FBXW2: variants seen among roughly 807,000 people sequenced by gnomAD.
The protein encoded by FBXW2 is F-box and WD repeat domain containing 2.
In FBXW2, 12 loss-of-function variants were observed where a neutral mutation model predicts 46.0. The observed-to-expected ratio is 0.26, with a 90% CI of 0.17 to 0.42. The LOEUF (loss-of-function observed/expected upper bound fraction) is 0.42. Ranked by LOEUF, FBXW2 falls within the 10% of genes least tolerant of loss-of-function variation. The pLI is 1.00. For synonymous variants in FBXW2, 203 were observed against 209.6 expected (o/e 0.97, Z 0.27); for missense variants, 360 against 537.0 (o/e 0.67, Z 3.26).
At chr9:120,783,850 T>C (rs1193022205) in intron 3 of FBXW2, among the ~76,000 whole-genome samples, 1 of 152,242 alleles carries the variant, frequency 6.6e-6, no homozygotes, top group Non-Finnish European at 1.5e-5. Context: ...CTCAATGTCA[T>C]TAGCCATTAA....
chr9:120,787,608 A>AAG (rs1156843048), intron 3 of FBXW2, among the ~76,000 whole-genome samples, 161 bp downstream of exon 3: 1 of 152,164 alleles, frequency 6.6e-6, no homozygotes, highest in African/African-American at 2.4e-5. Flanking sequence ...AGAGAGAAGG[A>AAG]AGAGGATAAG....
At chr9:120,776,282 AAT>A in intron 4 of FBXW2, 56 bp from the exon 5 acceptor site, 1 of 1,559,902 alleles carries the variant, frequency 6.4e-7, no homozygotes, top group South Asian at 1.2e-5. Flanking sequence ...GGTCTTTTAT[AAT>A]AGAGTTCAAT....
chr9:120,778,324 A>C, intron 4 of FBXW2, 27 bp downstream of exon 4: 1 of 1,599,688 alleles, frequency 6.3e-7, no homozygotes, highest in Non-Finnish European at 8.5e-7. Flanking sequence ...GCTAAGTTGT[A>C]AAAACCCTTG....
rs995535893 is a variant in FBXW2, at chr9:120,793,393, G to C, written c.-169C>G. 8.5e-5 allele frequency: 34 copies of C among 400,074 alleles called. No individual in the cohort carries two copies. The highest frequency in any genetic ancestry group is 1.4e-4 in the Non-Finnish European group (32 of 227,172). The allele number at this position is 400,074 out of a possible 1,614,324, so 24.8% of individuals were successfully genotyped here. On this transcript the variant is annotated 5_prime_UTR_variant, in exon 1 of 8. Coordinates refer to ENST00000608872, the MANE Select transcript of FBXW2 (RefSeq NM_012164.4). The stretch of plus-strand genomic sequence containing the variant: ...GCTGCTCCCGGTCCGCAGCCTCACA[G>C]GGGAGCGGCTTCCGGTGCTGCCTGC...
rs118052874 is a variant in FBXW2, at chr9:120,776,024, T to G, written c.819+69A>C. 86 of 1,576,478 alleles carry G rather than the reference T, an allele frequency of 5.5e-5. No homozygotes were observed. The East Asian group carries it at 1.8e-3, about 33-fold the overall frequency. On this transcript the variant is annotated intron_variant, in intron 5 of 7. Coordinates refer to ENST00000608872, the MANE Select transcript of FBXW2 (RefSeq NM_012164.4). ...GACTCACCTAACACTTATAAGGCAG[T>G]GTCTACCATCCTCCACGCCCTCCCT...
chr9:120,765,210 T>C (rs990449761), intron 7 of FBXW2, among the ~76,000 whole-genome samples: 2 of 151,966 alleles, frequency 1.3e-5, no homozygotes, highest in Non-Finnish European at 2.9e-5. Context: ...TTCTCCTGCT[T>C]CAGCCTCACA....
At chr9:120,771,915 C>T (rs1382733513) in intron 6 of FBXW2, among the ~76,000 whole-genome samples, 3 of 151,044 alleles carry the variant, frequency 2.0e-5, no homozygotes, top group East Asian at 3.9e-4. Context: ...AAAAATTAGC[C>T]AGGCGTGATA....
chr9:120,772,448 G>T (rs2044398500), intron 6 of FBXW2, among the ~76,000 whole-genome samples: 1 of 151,748 alleles, frequency 6.6e-6, no homozygotes, highest in African/African-American at 2.4e-5. Flanking sequence ...AGCCAATATT[G>T]TGCCACTGCA....
intron 5 of FBXW2, among the ~76,000 whole-genome samples, chr9:120,775,061 T>C (rs970380003): frequency 6.6e-6 from 1 of 151,954 alleles, no homozygotes; most frequent in Admixed American, 6.6e-5. Flanking sequence ...TACTTTCCTA[T>C]ACTTTTTTTT....
In FBXW2 at chr9:120,764,844, G is replaced by T; in HGVS notation, c.1080C>A (p.Val360=). 1 of 1,575,490 alleles carries T rather than the reference G, an allele frequency of 6.3e-7. No homozygotes were observed. Among genetic ancestry groups the T allele is most frequent in the South Asian group, 1.2e-5 (1 of 84,162 alleles). Residue 360 remains valine (V), a synonymous_variant, in exon 8 of 8, where the codon GTC becomes GTA. Coordinates refer to ENST00000608872, the MANE Select transcript of FBXW2 (RefSeq NM_012164.4). ...WDFASYDILR[V]IKTPEIANLA... ...AGTTTGCTATCTCAGGAGTCTTGATGACCCTACAAGGATGAGAGTTAGGGA... is the reference window on the plus strand; with the variant it reads ...AGTTTGCTATCTCAGGAGTCTTGATTACCCTACAAGGATGAGAGTTAGGGA...
chr9:120,789,310 G>A (rs1051571476), intron 2 of FBXW2, among the ~76,000 whole-genome samples: 4 of 152,164 alleles, frequency 2.6e-5, no homozygotes, highest in African/African-American at 7.2e-5. Flanking sequence ...GTGTCTACCC[G>A]TTAGACCATT....
chr9:120,791,892 C>T (rs1264869743), intron 2 of FBXW2, among the ~76,000 whole-genome samples: 2 of 152,118 alleles, frequency 1.3e-5, no homozygotes, highest in Admixed American at 1.3e-4. Flanking sequence ...TCAATAATCA[C>T]AAAGTGGGTC....
At chr9:120,788,689 C>T (rs1027945836) in intron 2 of FBXW2, among the ~76,000 whole-genome samples, 1 of 152,148 alleles carries the variant, frequency 6.6e-6, no homozygotes, top group Non-Finnish European at 1.5e-5. Flanking sequence ...TTAATACATT[C>T]TATTTGGGTA....
rs2044229907 is a variant in FBXW2 at position 120,763,863 on chromosome 9, C to G, written c.*696G>C. ...TACCAGGGCACCGCTGTGCAGTCAT[C>G]CAGGCTGCCGGGGACTAGCTTCCCC... On this transcript the variant is annotated 3_prime_UTR_variant, in exon 8 of 8. Transcript: ENST00000608872. 1 of 152,248 alleles carries G rather than the reference C, an allele frequency of 6.6e-6. No homozygotes were observed. The highest frequency in any genetic ancestry group is 1.5e-5 in the Non-Finnish European group (1 of 68,072). The allele number at this position is 152,248 out of a possible 1,614,324, so 9.4% of individuals were successfully genotyped here.
At position 120,771,492 on chromosome 9, in the gene FBXW2, T is replaced by C; in HGVS notation, c.932A>G (p.Asn311Ser). The change falls in exon 7 of 8, where the codon AAC becomes AGC. Residue 311 changes from asparagine (N) to serine (S), a missense_variant. By Grantham distance (46) the Asn-to-Ser change is conservative. Transcript: ENST00000608872. ...AGACAATGTCTTTAAGCACTTACAG[T>C]TGATTTCTCTCCCAATTGGCCAAAT... Reference protein sequence around the residue: ...IKIWPIGREINCKCLKTLSVS... With the variant: ...IKIWPIGREISCKCLKTLSVS... 1 of 1,612,578 alleles carries C rather than the reference T, an allele frequency of 6.2e-7. No individual in the cohort carries two copies. The highest frequency in any genetic ancestry group is 8.5e-7 in the Non-Finnish European group (1 of 1,179,606).
Position 120,763,527 on chromosome 9 carries a change from A to C in FBXW2, c.*1032T>G, listed in dbSNP as rs2044226028. Reference sequence around the variant, plus strand: ...CAATTACTTAAACTGTCTAAGTGGAATCAGCTATATTTTCTACATTTCCCT... The same window carrying C: ...CAATTACTTAAACTGTCTAAGTGGACTCAGCTATATTTTCTACATTTCCCT... On this transcript the variant is annotated 3_prime_UTR_variant, in exon 8 of 8. Coordinates refer to ENST00000608872, the MANE Select transcript of FBXW2 (RefSeq NM_012164.4). 6.6e-6 allele frequency: 1 copy of C among 152,246 alleles called. No individual in the cohort carries two copies. Among genetic ancestry groups the C allele is most frequent in the African/African-American group, 2.4e-5 (1 of 41,464 alleles). The allele number at this position is 152,246 out of a possible 1,614,324, so 9.4% of individuals were successfully genotyped here.
At chr9:120,776,332 G>C in intron 4 of FBXW2, 106 bp from the exon 5 acceptor site, 1 of 1,298,836 alleles carries the variant, frequency 7.7e-7, no homozygotes, top group South Asian at 1.5e-5. Context: ...TTCCCAACCA[G>C]AGACACCGTA....
intron 2 of FBXW2, among the ~76,000 whole-genome samples, chr9:120,790,921 G>A (rs1272472258): frequency 6.6e-6 from 1 of 152,100 alleles, no homozygotes; most frequent in East Asian, 1.9e-4. Flanking sequence ...CCATGTCTCA[G>A]ATTTATATAT....
chr9:120,787,363 A>G (rs975372793), intron 3 of FBXW2, among the ~76,000 whole-genome samples: 1 of 152,206 alleles, frequency 6.6e-6, no homozygotes, highest in Non-Finnish European at 1.5e-5. Flanking sequence ...AGAGAGGTTA[A>G]GTAATTTGGC....
Sources: allele counts gnomAD v4.1 joint callset (sites outside exome capture counted in the v4.1 genomes callset), GRCh38; gene constraint gnomAD v4.1.1; transcripts MANE v1.5; gene names NCBI Gene and HGNC (gene_info 2026-07-23, HGNC 2026-07-21).